The following PTPRD variants were observed in gnomAD, a reference collection of about 807,000 sequenced individuals.
PTPRD encodes protein tyrosine phosphatase receptor type D, also known as receptor-type tyrosine-protein phosphatase delta.
Under a neutral mutation model 214.5 loss-of-function variants are expected in PTPRD, and 34 were observed. That is an observed-to-expected ratio of 0.16 (90% confidence interval 0.12 to 0.21). The LOEUF is 0.21. PTPRD is among the 10% of genes least tolerant of loss of function. The probability of loss-of-function intolerance (pLI) is 1.00; values close to 1 mark genes in which losing one functional copy is unlikely to be tolerated. For missense variants in PTPRD, 2,545 were observed against 2,398.7 expected, an observed-to-expected ratio of 1.06 and a Z score of -1.27; for synonymous variants, 1,128 against 845.7, an observed-to-expected ratio of 1.33 and a Z score of -5.79.
chr9:9,032,983 A>T (rs751908027), intron 10 of PTPRD, among the ~76,000 whole-genome samples: 3 of 152,092 alleles, frequency 2.0e-5, no homozygotes, highest in Non-Finnish European at 4.4e-5. Context: ...TATTATTGAA[A>T]TGTGGGCTAC....
At chr9:8,802,027 T>C (rs2096581920) in intron 11 of PTPRD, among the ~76,000 whole-genome samples, 2 of 152,204 alleles carry the variant, frequency 1.3e-5, no homozygotes, top group South Asian at 4.1e-4. Context: ...ATATTATTTA[T>C]TATCGCCAAT....
chr9:10,348,976 T>C (rs920378996), intron 2 of PTPRD, among the ~76,000 whole-genome samples: 1 of 152,068 alleles, frequency 6.6e-6, no homozygotes, highest in Non-Finnish European at 1.5e-5. Flanking sequence ...GATCAACCTA[T>C]CAATTATCTT....
intron 7 of PTPRD, among the ~76,000 whole-genome samples, chr9:9,580,548 T>TTC (rs1491169390): frequency 3.9e-5 from 2 of 50,962 alleles, no homozygotes; most frequent in African/African-American, 1.4e-4. Flanking sequence ...CTTTATTTTC[T>TTC]TTTTTTTTTT....
chr9:9,817,207 A>C (rs965432583), intron 5 of PTPRD, among the ~76,000 whole-genome samples: 33 of 152,184 alleles, frequency 2.2e-4, no homozygotes, highest in African/African-American at 8.0e-4. Context: ...AACTTGAAAA[A>C]TAAATCTTAA....
intron 37 of PTPRD, among the ~76,000 whole-genome samples, chr9:8,386,288 G>A (rs1446212292): frequency 2.0e-5 from 3 of 152,078 alleles, no homozygotes; most frequent in African/African-American, 7.2e-5. Context: ...CTCTCATGGT[G>A]GTATCCCCAT....
At chr9:9,278,234 A>C in intron 9 of PTPRD, among the ~76,000 whole-genome samples, 1 of 151,320 alleles carries the variant, frequency 6.6e-6, no homozygotes, top group East Asian at 2.0e-4. Flanking sequence ...TCATGCCAGA[A>C]ATCTTGCAAT....
intron 3 of PTPRD, among the ~76,000 whole-genome samples, chr9:10,184,307 C>A (rs1034858792): frequency 2.6e-5 from 4 of 152,096 alleles, no homozygotes; most frequent in Non-Finnish European, 5.9e-5. Flanking sequence ...CGCCTGTAAT[C>A]CCAGCTGCTC....
At chr9:9,176,185 G>A (rs1021416988) in intron 10 of PTPRD, among the ~76,000 whole-genome samples, 1 of 152,158 alleles carries the variant, frequency 6.6e-6, no homozygotes, top group Non-Finnish European at 1.5e-5. Context: ...TTGTCAGCTT[G>A]CTGGTCTAAT....
chr9:9,902,883 A>G (rs754521623), intron 5 of PTPRD, among the ~76,000 whole-genome samples: 2 of 152,072 alleles, frequency 1.3e-5, no homozygotes, highest in African/African-American at 4.8e-5. Context: ...ACACAGCAAC[A>G]TTTTCTACAT....
At chr9:9,697,851 AT>A (rs1441256599) in intron 7 of PTPRD, among the ~76,000 whole-genome samples, 1 of 151,812 alleles carries the variant, frequency 6.6e-6, no homozygotes, top group African/African-American at 2.4e-5. Flanking sequence ...TTTATTCATT[AT>A]TTTTCCTCTT....
At chr9:10,544,843 T>C (rs780891364) in intron 2 of PTPRD, among the ~76,000 whole-genome samples, 1 of 152,164 alleles carries the variant, frequency 6.6e-6, no homozygotes, top group African/African-American at 2.4e-5. Flanking sequence ...CAAAATAATT[T>C]TGGACATTAC....
chr9:10,555,923 A>C (rs2062474254), intron 2 of PTPRD, among the ~76,000 whole-genome samples: 1 of 152,190 alleles, frequency 6.6e-6, no homozygotes, highest in African/African-American at 2.4e-5. Context: ...AAGAGCGTGA[A>C]GAGAATAGAG....
intron 3 of PTPRD, among the ~76,000 whole-genome samples, chr9:10,039,226 C>T (rs1037677695): frequency 1.3e-5 from 2 of 151,962 alleles, no homozygotes; most frequent in African/African-American, 4.8e-5. Context: ...AAGTGATCAT[C>T]CTATTTCTAC....
chr9:9,131,074 A>T (rs1013875060), intron 10 of PTPRD, among the ~76,000 whole-genome samples: 2 of 152,200 alleles, frequency 1.3e-5, no homozygotes, highest in African/African-American at 4.8e-5. Context: ...CTGAAAAAAT[A>T]GTTGGGAAGG....
chr9:10,604,458 T>TA (rs948796271), intron 2 of PTPRD, among the ~76,000 whole-genome samples: 2 of 151,098 alleles, frequency 1.3e-5, no homozygotes, highest in South Asian at 2.1e-4. Context: ...TTCAAGCCCC[T>TA]AAAAAAAATA....
At chr9:9,903,322 G>A (rs2076830441) in intron 5 of PTPRD, among the ~76,000 whole-genome samples, 1 of 152,070 alleles carries the variant, frequency 6.6e-6, no homozygotes, top group Non-Finnish European at 1.5e-5. Flanking sequence ...TACTTTAGAT[G>A]CTTAAAGACC....
At chr9:9,541,194 A>G (rs541261628) in intron 8 of PTPRD, among the ~76,000 whole-genome samples, 1 of 151,802 alleles carries the variant, frequency 6.6e-6, no homozygotes, top group Non-Finnish European at 1.5e-5. Flanking sequence ...TGGTCCAGGC[A>G]AAGTTAGAAG....
At chr9:9,182,050 CT>C (rs1569559598) in intron 10 of PTPRD, among the ~76,000 whole-genome samples, 1 of 152,010 alleles carries the variant, frequency 6.6e-6, no homozygotes, top group Admixed American at 6.6e-5. Flanking sequence ...ATCAATTTGA[CT>C]GGGGGTATCC....
chr9:9,912,834 G>C (rs2079595457), intron 5 of PTPRD, among the ~76,000 whole-genome samples: 1 of 152,120 alleles, frequency 6.6e-6, no homozygotes, highest in Non-Finnish European at 1.5e-5. Context: ...AATATTGCAA[G>C]AGTTTTTATA....
Sources: gnomAD v4.1 joint callset for allele counts (sites outside exome capture counted in the v4.1 genomes callset) on GRCh38, gnomAD v4.1.1 for gene constraint, MANE v1.5 for transcripts, NCBI Gene and HGNC (gene_info 2026-07-23, HGNC 2026-07-21) for gene names.